Variants in MAGI2 observed in about 807,000 individuals in gnomAD.
The protein encoded by MAGI2 is membrane-associated guanylate kinase, WW and PDZ domain-containing protein 2.
MAGI2 carries 35 observed loss-of-function variants against 133.3 expected under a neutral mutation model. The observed-to-expected ratio is 0.26, with a 90% CI of 0.20 to 0.35. The LOEUF (loss-of-function observed/expected upper bound fraction) is 0.35. Among genes scored for constraint, MAGI2 ranks in the 10% least tolerant of loss-of-function variants. The pLI, the probability that MAGI2 is intolerant of heterozygous loss-of-function variation, is 1.00. For missense variants in MAGI2, 1,636 were observed against 1,863.4 expected (o/e 0.88, Z 2.25); for synonymous variants, 729 against 710.6 (o/e 1.03, Z -0.41).
intron 2 of MAGI2, among the ~76,000 whole-genome samples, chr7:78,947,608 C>T (rs988862271): frequency 5.3e-5 from 8 of 152,044 alleles, no homozygotes; most frequent in South Asian, 2.1e-4. Flanking sequence ...ATATTAGTTA[C>T]GATATGAATT....
At chr7:78,981,743 G>T (rs1227714812) in intron 2 of MAGI2, among the ~76,000 whole-genome samples, 2 of 151,840 alleles carry the variant, frequency 1.3e-5, no homozygotes, top group Non-Finnish European at 2.9e-5. Flanking sequence ...TACAAATTGT[G>T]TATTTGTTTC....
At chr7:78,334,535 C>T (rs554574067) in intron 9 of MAGI2, among the ~76,000 whole-genome samples, 1 of 152,248 alleles carries the variant, frequency 6.6e-6, no homozygotes, top group South Asian at 2.1e-4. Context: ...TGGATAGAAG[C>T]CCATAGTCTC....
Position 78,303,095 on chromosome 7 carries a change from C to T in MAGI2, c.1408+40683G>A, listed in dbSNP as rs371133925. On this transcript the variant is annotated intron_variant, in intron 9 of 21. Coordinates refer to ENST00000354212, the MANE Select transcript of MAGI2 (RefSeq NM_012301.4). The stretch of plus-strand genomic sequence containing the variant: ...CTTGGCCTTGCTAAAGAGCTCCCCA[C>T]GGCCAGACACGGTGGCTCATGCCTG... Among the ~76,000 whole-genome samples the T allele has an allele frequency of 6.2e-4, 94 of 152,120 alleles. 1 individual carries two copies. Among genetic ancestry groups the T allele is most frequent in the South Asian group, 5.6e-3 (27 of 4,806 alleles).
Position 78,813,785 on chromosome 7 carries a change from C to CAAAAAA in MAGI2, c.419-186552_419-186547dup, listed in dbSNP as rs36107160. On this transcript the variant is annotated intron_variant, in intron 2 of 21. Coordinates refer to ENST00000354212, the MANE Select transcript of MAGI2 (RefSeq NM_012301.4). ...TGGGTGACAGAGTGAGATTCTGTCT[C>CAAAAAA]AAAAAAAAAAAAAAAAAAACACAAA... is the stretch of plus-strand genomic sequence containing the variant. Among the ~76,000 whole-genome samples the CAAAAAA allele has an allele frequency of 1.0e-3, 101 of 96,750 alleles. 2 individuals are homozygous for CAAAAAA. Among genetic ancestry groups the CAAAAAA allele is most frequent in the African/African-American group, 3.4e-3 (82 of 24,348 alleles). The allele number at this position is 96,750 out of a possible 152,430, so 63.5% of individuals were successfully genotyped here. A position where few individuals can be genotyped will look rare whatever the true frequency, so the allele number is the denominator to read the frequency against.
chr7:78,700,552 G>T (rs964088281), intron 2 of MAGI2, among the ~76,000 whole-genome samples: 3 of 152,052 alleles, frequency 2.0e-5, no homozygotes, highest in African/African-American at 4.8e-5. Context: ...ATCTGACAGT[G>T]TTTAAACCTG....
At chr7:79,129,882 T>G (rs1448015372) in intron 1 of MAGI2, among the ~76,000 whole-genome samples, 2 of 152,220 alleles carry the variant, frequency 1.3e-5, no homozygotes, top group Non-Finnish European at 2.9e-5. Flanking sequence ...GCACATTTCT[T>G]GTAAAACATC....
intron 10 of MAGI2, among the ~76,000 whole-genome samples, chr7:78,206,098 C>T (rs1829703069): frequency 6.6e-6 from 1 of 152,086 alleles, no homozygotes; most frequent in African/African-American, 2.4e-5. Flanking sequence ...AAGTGGAGAT[C>T]CCCTCTCTGG....
chr7:78,563,917 A>G (rs547165394), intron 3 of MAGI2, among the ~76,000 whole-genome samples: 5 of 152,236 alleles, frequency 3.3e-5, no homozygotes, highest in African/African-American at 1.2e-4. Flanking sequence ...AGTCTGTAAG[A>G]CTCTTAAATT....
At chr7:78,534,648 A>C (rs1797731403) in intron 3 of MAGI2, among the ~76,000 whole-genome samples, 1 of 152,206 alleles carries the variant, frequency 6.6e-6, no homozygotes. Flanking sequence ...TTTGAAATGA[A>C]GTTTTGTTTT....
chr7:78,285,150 G>A (rs1025429234), intron 9 of MAGI2, among the ~76,000 whole-genome samples: 11 of 152,130 alleles, frequency 7.2e-5, no homozygotes, highest in African/African-American at 2.6e-4. Context: ...CACACACACA[G>A]ATGCTTAGCA....
In MAGI2 at chr7:78,642,222, G is replaced by C. The variant is rs1286340467; in HGVS notation, c.419-14983C>G. Among the ~76,000 whole-genome samples the C allele has an allele frequency of 2.6e-5, 4 of 152,228 alleles. No individual in the cohort carries two copies. In the East Asian group the frequency reaches 7.7e-4, roughly 29 times the overall value. On this transcript the variant is annotated intron_variant, in intron 2 of 21. Coordinates refer to ENST00000354212, the MANE Select transcript of MAGI2 (RefSeq NM_012301.4). ...AGCAGTATTCACAGTAATATTTTAT[G>C]TTTGATAGAAAATTTGTCATTACCT...
At chr7:78,351,046 CTG>C (rs1215127607) in intron 7 of MAGI2, among the ~76,000 whole-genome samples, 3 of 152,184 alleles carry the variant, frequency 2.0e-5, no homozygotes, top group Non-Finnish European at 2.9e-5. Flanking sequence ...TAAGTGGAGA[CTG>C]TGTCACAGAT....
intron 2 of MAGI2, among the ~76,000 whole-genome samples, chr7:78,818,167 C>A (rs1246062129): frequency 6.6e-6 from 1 of 152,074 alleles, no homozygotes; most frequent in African/African-American, 2.4e-5. Flanking sequence ...AACCTGTGGC[C>A]AACTCTTTGT....
chr7:78,715,110 T>C (rs1819577710), intron 2 of MAGI2, among the ~76,000 whole-genome samples: 1 of 152,204 alleles, frequency 6.6e-6, no homozygotes, highest in African/African-American at 2.4e-5. Flanking sequence ...TTTAATCAAA[T>C]GGGAATTGAT....
At chr7:78,767,101 T>C (rs1825106983) in intron 2 of MAGI2, among the ~76,000 whole-genome samples, 1 of 152,110 alleles carries the variant, frequency 6.6e-6, no homozygotes, top group Non-Finnish European at 1.5e-5. Flanking sequence ...GCAATTCTCC[T>C]GCCTCGGCCT....
At chr7:79,022,767 T>C (rs1219422288) in intron 1 of MAGI2, among the ~76,000 whole-genome samples, 2 of 151,926 alleles carry the variant, frequency 1.3e-5, no homozygotes, top group African/African-American at 4.8e-5. Context: ...TAGAAAATTA[T>C]TCTGAAAACA....
intron 20 of MAGI2, among the ~76,000 whole-genome samples, chr7:78,099,130 A>T (rs1455705050): frequency 1.3e-5 from 2 of 152,186 alleles, no homozygotes; most frequent in African/African-American, 4.8e-5. Flanking sequence ...AAGTTTCATG[A>T]AATGTATTAA....
At chr7:79,069,510 C>A (rs1814732208) in intron 1 of MAGI2, among the ~76,000 whole-genome samples, 1 of 141,178 alleles carries the variant, frequency 7.1e-6, no homozygotes, top group African/African-American at 2.7e-5. Context: ...TGAAATGGGT[C>A]TCCTGAATAC....
intron 6 of MAGI2, among the ~76,000 whole-genome samples, chr7:78,479,256 GT>G (rs1792106321): frequency 1.3e-5 from 2 of 151,910 alleles, no homozygotes; most frequent in South Asian, 4.1e-4. Context: ...TCCTTAAATA[GT>G]TTTTGTATCA....
Sources: gnomAD v4.1 joint callset for allele counts (sites outside exome capture counted in the v4.1 genomes callset) on GRCh38, gnomAD v4.1.1 for gene constraint, MANE v1.5 for transcripts, NCBI Gene and HGNC (gene_info 2026-07-23, HGNC 2026-07-21) for gene names.